Variants in POFUT3 observed in about 807,000 individuals in gnomAD.
The protein encoded by POFUT3 is protein O-fucosyltransferase 3, also known as GDP-fucose protein O-fucosyltransferase 3.
At chr8:33,379,036 C>T in the POFUT3 span, among the ~76,000 whole-genome samples, 1 of 152,020 alleles carries the variant, frequency 6.6e-6, no homozygotes, top group African/African-American at 2.4e-5. Flanking sequence ...AGTGAGTTCT[C>T]ACGAGATCTG....
the POFUT3 span, among the ~76,000 whole-genome samples, chr8:33,455,169 G>A: frequency 6.6e-6 from 1 of 152,062 alleles, no homozygotes; most frequent in African/African-American, 2.4e-5. Flanking sequence ...AAATTCCCTA[G>A]AGTCTATGTT....
At chr8:33,409,037 TG>T in the POFUT3 span, among the ~76,000 whole-genome samples, 2 of 152,182 alleles carry the variant, frequency 1.3e-5, no homozygotes, top group East Asian at 3.8e-4. Context: ...GGGATGTCGT[TG>T]GTGGGATTTC....
the POFUT3 span, among the ~76,000 whole-genome samples, chr8:33,324,259 T>G: frequency 6.6e-6 from 1 of 152,180 alleles, no homozygotes; most frequent in African/African-American, 2.4e-5. Context: ...AAATGTCACC[T>G]AACTGGGTGC....
At chr8:33,374,680 GA>G in the POFUT3 span, among the ~76,000 whole-genome samples, 1 of 152,028 alleles carries the variant, frequency 6.6e-6, no homozygotes, top group African/African-American at 2.4e-5. Context: ...GGAAGCCAGG[GA>G]AAAGGCATAC....
the POFUT3 span, chr8:33,453,488 A>G: frequency 6.2e-7 from 1 of 1,610,648 alleles, no homozygotes; most frequent in African/African-American, 1.3e-5. Context: ...CTTCCTTTCA[A>G]ACTTCCCCAG....
chr8:33,329,243 T>C, the POFUT3 span, among the ~76,000 whole-genome samples: 1 of 152,178 alleles, frequency 6.6e-6, no homozygotes, highest in Non-Finnish European at 1.5e-5. Flanking sequence ...TACTTCAGGA[T>C]GGAAAAGATG....
chr8:33,406,009 T>A, the POFUT3 span, among the ~76,000 whole-genome samples: 3 of 152,194 alleles, frequency 2.0e-5, no homozygotes, highest in African/African-American at 7.2e-5. Flanking sequence ...ATTTTTAATT[T>A]AATTCACCCA....
At chr8:33,343,112 G>GAA in the POFUT3 span, among the ~76,000 whole-genome samples, 32,953 of 114,864 alleles carry the variant, frequency 0.29, 4,093 homozygotes, top group South Asian at 0.54. Context: ...CTCCGTCTAA[G>GAA]AAAAAAAAAA....
At chr8:33,464,342 G>C in the POFUT3 span, among the ~76,000 whole-genome samples, 1 of 152,092 alleles carries the variant, frequency 6.6e-6, no homozygotes, top group Non-Finnish European at 1.5e-5. Context: ...CCTTTCCTAA[G>C]TACTTAGCAC....
At chr8:33,430,286 T>G in the POFUT3 span, among the ~76,000 whole-genome samples, 1 of 152,176 alleles carries the variant, frequency 6.6e-6, no homozygotes, top group Non-Finnish European at 1.5e-5. Context: ...CCTTTCATCT[T>G]TATGCCTTCA....
At chr8:33,377,822 T>C in the POFUT3 span, among the ~76,000 whole-genome samples, 4 of 152,200 alleles carry the variant, frequency 2.6e-5, no homozygotes, top group African/African-American at 9.7e-5. Flanking sequence ...TTCCTAGCAA[T>C]GAGAAAAATA....
chr8:33,347,230 T>A, the POFUT3 span, among the ~76,000 whole-genome samples: 1 of 152,214 alleles, frequency 6.6e-6, no homozygotes, highest in Non-Finnish European at 1.5e-5. Context: ...AGCTTCCTTT[T>A]CTGGAAGTGT....
chr8:33,410,510 C>A, the POFUT3 span, among the ~76,000 whole-genome samples: 1 of 152,016 alleles, frequency 6.6e-6, no homozygotes, highest in Non-Finnish European at 1.5e-5. Context: ...AGCAGCTCAA[C>A]CCTTAAACAG....
chr8:33,372,700 C>T, the POFUT3 span: 5 of 1,614,072 alleles, frequency 3.1e-6, no homozygotes, highest in Non-Finnish European at 4.2e-6. Context: ...ACATCTCTCG[C>T]AAAGAGCTCA....
At chr8:33,410,850 C>T in the POFUT3 span, among the ~76,000 whole-genome samples, 2 of 152,232 alleles carry the variant, frequency 1.3e-5, no homozygotes, top group South Asian at 2.1e-4. Context: ...CTCTCCTCTG[C>T]AACCTGAAAG....
the POFUT3 span, among the ~76,000 whole-genome samples, chr8:33,453,758 C>T: frequency 6.8e-4 from 104 of 152,028 alleles, 3 homozygotes; most frequent in East Asian, 0.019. Flanking sequence ...CCAGCCTGGC[C>T]AACATAGTGA....
the POFUT3 span, among the ~76,000 whole-genome samples, chr8:33,349,895 C>A: frequency 6.6e-6 from 1 of 152,280 alleles, no homozygotes; most frequent in African/African-American, 2.4e-5. Context: ...TTTACATTCC[C>A]ACCAGCAGGG....
At chr8:33,309,167 AATATATATATAT>A in the POFUT3 span, among the ~76,000 whole-genome samples, 2 of 53,690 alleles carry the variant, frequency 3.7e-5, no homozygotes, top group Non-Finnish European at 6.2e-5. Context: ...AAAAAAAAAA[AATATATATATAT>A]ATATATATAT....
chr8:33,467,272 C>CAAAAAAAAA, the POFUT3 span, among the ~76,000 whole-genome samples: 2 of 73,464 alleles, frequency 2.7e-5, no homozygotes, highest in Non-Finnish European at 2.4e-5. Context: ...GACTCTGTCT[C>CAAAAAAAAA]AAAAAAAAAA....
Sources: gnomAD v4.1 joint callset for allele counts (sites outside exome capture counted in the v4.1 genomes callset) on GRCh38, gnomAD v4.1.1 for gene constraint, MANE v1.5 for transcripts, NCBI Gene and HGNC (gene_info 2026-07-23, HGNC 2026-07-21) for gene names.